Variants in PPARGC1A observed in about 807,000 individuals in gnomAD.
The protein encoded by PPARGC1A is PPARG coactivator 1 alpha.
A neutral mutation model predicts 88.7 loss-of-function variants in PPARGC1A; 25 were observed. The ratio of observed to expected loss-of-function variants is 0.28; its 90% CI spans 0.21 to 0.39. The LOEUF is 0.39. Ranked by LOEUF, PPARGC1A falls within the 10% of genes least tolerant of loss-of-function variation. The pLI, the probability that PPARGC1A is intolerant of heterozygous loss-of-function variation, is 1.00. For synonymous variants in PPARGC1A, 363 were observed against 355.6 expected (o/e 1.02, Z -0.24); for missense variants, 880 against 968.7 (o/e 0.91, Z 1.22).
At chr4:24,396,928 T>C in the PPARGC1A span, among the ~76,000 whole-genome samples, 2 of 152,208 alleles carry the variant, frequency 1.3e-5, no homozygotes, top group South Asian at 4.1e-4. Context: ...TACAAAATGG[T>C]ACTCTCATGC....
the PPARGC1A span, among the ~76,000 whole-genome samples, chr4:24,118,601 A>G: frequency 6.6e-6 from 1 of 152,328 alleles, no homozygotes; most frequent in East Asian, 1.9e-4. Context: ...CGTGATCTCT[A>G]GAACCACAAT....
chr4:24,305,410 A>C, the PPARGC1A span, among the ~76,000 whole-genome samples: 1 of 152,112 alleles, frequency 6.6e-6, no homozygotes, highest in African/African-American at 2.4e-5. Flanking sequence ...CTCAGTCTCC[A>C]TTTCCTGATC....
chr4:23,800,272 T>A (rs1018499669), intron 12 of PPARGC1A, among the ~76,000 whole-genome samples: 1 of 152,126 alleles, frequency 6.6e-6, no homozygotes, highest in African/African-American at 2.4e-5. Flanking sequence ...TATAATTATG[T>A]CATATGCACA....
chr4:23,884,740 G>C lies in PPARGC1A; in HGVS notation c.234+12C>G. ...TCAATGAAAAATTAATGTTTCCAAA[G>C]GATGTCCTTACCTCAAATATGTTTG... On this transcript the variant is annotated intron_variant, in intron 2 of 12. Coordinates refer to ENST00000264867, the MANE Select transcript of PPARGC1A (RefSeq NM_013261.5). The C allele has an allele frequency of 6.2e-7, 1 of 1,602,136 alleles. No individual in the cohort carries two copies.
the PPARGC1A span, among the ~76,000 whole-genome samples, chr4:24,298,186 G>A: frequency 1.1e-4 from 16 of 147,862 alleles, no homozygotes; most frequent in African/African-American, 1.7e-4. Flanking sequence ...ATTACCAAAT[G>A]AAAAAAAAAA....
chr4:23,901,994 T>C (rs1318769430), upstream of PPARGC1A, among the ~76,000 whole-genome samples: 1 of 152,174 alleles, frequency 6.6e-6, no homozygotes, highest in Non-Finnish European at 1.5e-5. Context: ...ATATGGCTAC[T>C]GAGAACTTAA....
chr4:24,239,099 A>G, the PPARGC1A span, among the ~76,000 whole-genome samples: 1 of 152,184 alleles, frequency 6.6e-6, no homozygotes, highest in South Asian at 2.1e-4. Context: ...TCAGAAATTT[A>G]GGTTTCTTAC....
the PPARGC1A span, among the ~76,000 whole-genome samples, chr4:24,294,330 A>G: frequency 6.6e-6 from 1 of 152,224 alleles, no homozygotes; most frequent in Non-Finnish European, 1.5e-5. Flanking sequence ...GATGTCCATT[A>G]ATACACAGGT....
At chr4:24,317,093 T>G in the PPARGC1A span, among the ~76,000 whole-genome samples, 1 of 152,170 alleles carries the variant, frequency 6.6e-6, no homozygotes, top group Non-Finnish European at 1.5e-5. Context: ...ATCCCCATTA[T>G]ACAGATGAGG....
the PPARGC1A span, among the ~76,000 whole-genome samples, chr4:24,264,451 A>C: frequency 6.6e-6 from 1 of 152,212 alleles, no homozygotes; most frequent in Non-Finnish European, 1.5e-5. Context: ...TGAGGACTGC[A>C]TTTGCTGTGC....
intron 2 of PPARGC1A, among the ~76,000 whole-genome samples, chr4:23,852,413 T>A (rs1263674992): frequency 6.6e-6 from 1 of 151,650 alleles, no homozygotes; most frequent in Non-Finnish European, 1.5e-5. Flanking sequence ...TCTCCTCAGA[T>A]TTCCACTGTC....
the PPARGC1A span, among the ~76,000 whole-genome samples, chr4:23,995,861 G>T: frequency 6.6e-6 from 1 of 152,068 alleles, no homozygotes; most frequent in Admixed American, 6.6e-5. Flanking sequence ...AGTTTTATAT[G>T]TTCATTGATT....
chr4:23,977,952 T>C, the PPARGC1A span, among the ~76,000 whole-genome samples: 6 of 152,182 alleles, frequency 3.9e-5, no homozygotes, highest in Non-Finnish European at 8.8e-5. Flanking sequence ...ACTATGGGTG[T>C]TATATTAAAA....
chr4:24,126,351 C>T, the PPARGC1A span, among the ~76,000 whole-genome samples: 2 of 151,388 alleles, frequency 1.3e-5, no homozygotes, highest in African/African-American at 2.4e-5. Context: ...TCTAAGTTAA[C>T]TAATCAGTAA....
Position 23,814,364 on chromosome 4 carries a change from G to T in PPARGC1A, c.1119C>A (p.Thr373=), listed in dbSNP as rs1254526390. 6.2e-7 allele frequency: 1 copy of T among 1,613,944 alleles called. No homozygotes were observed. Among genetic ancestry groups the T allele is most frequent in the South Asian group, 1.1e-5 (1 of 91,058 alleles). ...VLTGGHEERK[T]KRPSLRLFGD... ...CAAACAGCCGCAGACTGGGCCGCTT[G>T]GTCTTCCTTTCCTCGTGTCCACCAG... is the stretch of plus-strand genomic sequence containing the variant. Residue 373 remains threonine, a synonymous_variant, in exon 8 of 13, where the codon ACC becomes ACA. Transcript: ENST00000264867.
At chr4:24,154,151 G>A in the PPARGC1A span, among the ~76,000 whole-genome samples, 1 of 152,118 alleles carries the variant, frequency 6.6e-6, no homozygotes, top group Non-Finnish European at 1.5e-5. Context: ...CCAAGTAGTT[G>A]TCCAAACCTA....
the PPARGC1A span, among the ~76,000 whole-genome samples, chr4:23,965,919 A>C: frequency 1.3e-5 from 2 of 152,050 alleles, no homozygotes; most frequent in Admixed American, 1.3e-4. Context: ...TTTCTTTTGG[A>C]AACAGTTTTT....
At chr4:24,034,966 A>G in the PPARGC1A span, among the ~76,000 whole-genome samples, 4 of 152,212 alleles carry the variant, frequency 2.6e-5, no homozygotes, top group African/African-American at 9.6e-5. Context: ...CATGTGGCCA[A>G]TTCTGCCCTC....
chr4:24,424,278 T>C, the PPARGC1A span, among the ~76,000 whole-genome samples: 1 of 126,050 alleles, frequency 7.9e-6, no homozygotes, highest in Non-Finnish European at 1.7e-5. Flanking sequence ...TTTTTTTTTT[T>C]TTTTTTTTTT....
Sources: gnomAD v4.1 joint callset for allele counts (sites outside exome capture counted in the v4.1 genomes callset) on GRCh38, gnomAD v4.1.1 for gene constraint, MANE v1.5 for transcripts, NCBI Gene and HGNC (gene_info 2026-07-23, HGNC 2026-07-21) for gene names.